NUP58: variants seen among roughly 807,000 people sequenced by gnomAD.
NUP58 encodes nucleoporin 58.
In NUP58, 17 loss-of-function variants were observed where a neutral mutation model predicts 70.1. That is an observed-to-expected ratio of 0.24 (90% confidence interval 0.17 to 0.36). The LOEUF is 0.36. Ranked by LOEUF, NUP58 falls within the 10% of genes least tolerant of loss-of-function variation. The pLI is 1.00. For missense variants in NUP58, 644 were observed against 701.5 expected (o/e 0.92, Z 0.93); for synonymous variants, 275 against 257.6 (o/e 1.07, Z -0.65).
intron 6 of NUP58, among the ~76,000 whole-genome samples, chr13:25,318,869 C>A (rs1218080305): frequency 1.3e-5 from 2 of 152,030 alleles, no homozygotes; most frequent in Non-Finnish European, 1.5e-5. Flanking sequence ...ACTGATAGGG[C>A]CTTAAAAAGT....
intron 4 of NUP58, among the ~76,000 whole-genome samples, 180 bp downstream of exon 4, chr13:25,313,212 G>A (rs1026053097): frequency 6.6e-6 from 1 of 152,224 alleles, no homozygotes; most frequent in African/African-American, 2.4e-5. Context: ...AAGCAGGGGA[G>A]AGGGCTAGAG....
chr13:25,342,116 A>C lies in NUP58; in HGVS notation c.*1982A>C, dbSNP rs1022505264. The C allele has an allele frequency of 2.0e-5, 3 of 152,488 alleles. No homozygotes were observed. Among genetic ancestry groups the C allele is most frequent in the Non-Finnish European group, 4.4e-5 (3 of 68,032 alleles). The allele number at this position is 152,488 out of a possible 1,614,324, so 9.4% of individuals were successfully genotyped here. ...ATTTCTGTAATATTGCAGTCCCCAG[A>C]TCCAGAACATGGGAAGTTAGGGAAA... On this transcript the variant is annotated 3_prime_UTR_variant, in exon 16 of 16. Transcript: ENST00000381736.
At chr13:25,316,812 C>G (rs2030951271) in intron 6 of NUP58, among the ~76,000 whole-genome samples, 1 of 152,096 alleles carries the variant, frequency 6.6e-6, no homozygotes, top group Admixed American at 6.5e-5. Flanking sequence ...CCTCCTCTGC[C>G]CCTCCCCACA....
In NUP58 at chr13:25,320,966, T is replaced by A; in HGVS notation, c.824T>A (p.Met275Lys). Residue 275 changes from methionine to lysine, a missense_variant, in exon 9 of 16, where the codon ATG becomes AAG. Met to Lys is a moderately conservative substitution (Grantham distance 95). Transcript: ENST00000381736. ...CAAGTTCAAGAAGAAATTAGTAGAA[T>A]GTCTTCAAAAGCAATGCTTAAGGTA... ...QKQVQEEISR[M>K]SSKAMLKVQE... The A allele has an allele frequency of 1.3e-6, 2 of 1,582,848 alleles. No individual in the cohort carries two copies. The highest frequency in any genetic ancestry group is 8.5e-7 in the Non-Finnish European group (1 of 1,170,860).
intron 1 of NUP58, among the ~76,000 whole-genome samples, chr13:25,303,844 A>G (rs2030156027): frequency 6.6e-6 from 1 of 152,254 alleles, no homozygotes; most frequent in Non-Finnish European, 1.5e-5. Context: ...GCATAGAAAA[A>G]GGGCTTTAAT....
At position 25,332,296 on chromosome 13, in the gene NUP58, G is replaced by A. The variant is rs531774770; in HGVS notation, c.1435+738G>A. The A allele has an allele frequency of 1.2e-4, 123 of 985,378 alleles. No individual in the cohort carries two copies. In the African/African-American group the frequency reaches 2.0e-3, roughly 16 times the overall value. 61.0% of individuals were successfully genotyped at this position (985,378 alleles called of 1,614,324 possible). On this transcript the variant is annotated intron_variant, in intron 13 of 15. Coordinates refer to ENST00000381736, the MANE Select transcript of NUP58 (RefSeq NM_014089.4). The stretch of plus-strand genomic sequence containing the variant: ...TGGTTTAGTTACACTTCTAATTAGA[G>A]AAACATTTTTTGTGGTCATTCTACA...
intron 6 of NUP58, chr13:25,317,852 T>G (rs2031004064): frequency 7.0e-6 from 1 of 142,774 alleles, no homozygotes. Context: ...GAAAGTAAAA[T>G]GCTTGATTTT....
chr13:25,321,148 A>G, intron 9 of NUP58, 55 bp downstream of exon 9: 1 of 1,433,302 alleles, frequency 7.0e-7, no homozygotes, highest in Admixed American at 2.4e-5. Context: ...GTTTTTTCCA[A>G]AATGGAAATA....
At position 25,307,890 on chromosome 13, in the gene NUP58, A is replaced by G. The variant is rs1165054754; in HGVS notation, c.192A>G (p.Gly64=). The G allele has an allele frequency of 3.1e-6, 5 of 1,614,074 alleles. No homozygotes were observed. The highest frequency in any genetic ancestry group is 4.2e-6 in the Non-Finnish European group (5 of 1,180,042). The change falls in exon 2 of 16, where the codon GGA becomes GGG. Residue 64 remains glycine (G), a synonymous_variant. Coordinates refer to ENST00000381736, the MANE Select transcript of NUP58 (RefSeq NM_014089.4). ...ATTSAPSSGF[G]TGLFGSKPAT... ...CATCTGCTCCTTCAAGTGGTTTTGG[A>G]ACCGGGCTCTTTGGATCTAAACCTG...
rs779183330 is a variant in NUP58 at position 25,321,055 on chromosome 13, A to T, written c.913A>T (p.Thr305Ser). The stretch of plus-strand genomic sequence containing the variant: ...GGCTGCCAATGGAATACAGAGAAAC[A>T]CTCTCAACATTGACAAATTGAAAAT... ...SLAANGIQRN[T>S]LNIDKLKIET... The change falls in exon 9 of 16, where the codon ACT (threonine) becomes TCT (serine). Residue 305 changes from threonine (T) to serine (S), a missense_variant. Around this residue, in one of 4 missense-constraint regions of NUP58, gnomAD observed 430 missense variants for 409.2 expected, o/e 1.05. Coordinates refer to ENST00000381736, the MANE Select transcript of NUP58 (RefSeq NM_014089.4). 24 of 1,591,552 alleles carry T rather than the reference A, an allele frequency of 1.5e-5. No homozygotes were observed. In the Admixed American group the frequency reaches 4.4e-4, roughly 29 times the overall value.
chr13:25,304,885 A>G (rs973844438), intron 1 of NUP58, among the ~76,000 whole-genome samples: 9 of 152,080 alleles, frequency 5.9e-5, no homozygotes, highest in African/African-American at 1.9e-4. Context: ...CACATTATAC[A>G]CACAACAGTG....
At chr13:25,304,307 T>C (rs1237812936) in intron 1 of NUP58, among the ~76,000 whole-genome samples, 2 of 151,828 alleles carry the variant, frequency 1.3e-5, no homozygotes, top group East Asian at 1.9e-4. Context: ...CAATAATTGG[T>C]CAAGTTTAGG....
intron 9 of NUP58, among the ~76,000 whole-genome samples, chr13:25,324,612 G>A (rs1252329224): frequency 2.0e-5 from 3 of 151,984 alleles, no homozygotes; most frequent in Non-Finnish European, 1.5e-5. Context: ...AATTGTGCCT[G>A]CCTCAGCCTC....
chr13:25,314,497 A>G (rs1332373690), intron 5 of NUP58, among the ~76,000 whole-genome samples: 1 of 152,072 alleles, frequency 6.6e-6, no homozygotes, highest in African/African-American at 2.4e-5. Context: ...GGAGTTCGAG[A>G]CCAGCCTGAC....
chr13:25,314,580 A>G (rs1428629837), intron 5 of NUP58, among the ~76,000 whole-genome samples: 1 of 152,096 alleles, frequency 6.6e-6, no homozygotes, highest in Non-Finnish European at 1.5e-5. Flanking sequence ...CTGTAATCCA[A>G]GCTGTTTGGG....
chr13:25,343,516 C>T (rs2032005289), downstream of NUP58, among the ~76,000 whole-genome samples: 1 of 150,200 alleles, frequency 6.7e-6, no homozygotes, highest in East Asian at 2.0e-4. Flanking sequence ...AGGCTGATGC[C>T]ATCTCGGCTC....
intron 15 of NUP58, among the ~76,000 whole-genome samples, 188 bp from the exon 16 acceptor site, chr13:25,339,777 T>A (rs2031899236): frequency 6.6e-6 from 1 of 152,242 alleles, no homozygotes; most frequent in Non-Finnish European, 1.5e-5. Flanking sequence ...TCTTTCAGGG[T>A]GCCACTTAGT....
chr13:25,324,604 T>C (rs1017536745), intron 9 of NUP58, among the ~76,000 whole-genome samples: 1 of 152,182 alleles, frequency 6.6e-6, no homozygotes, highest in African/African-American at 2.4e-5. Flanking sequence ...CAAATGTTAA[T>C]TGTGCCTGCC....
At chr13:25,337,106 A>G (rs1364925413) in intron 14 of NUP58, 72 bp downstream of exon 14, 3 of 967,788 alleles carry the variant, frequency 3.1e-6, no homozygotes, top group African/African-American at 3.4e-5. Context: ...GTAAAAAAAA[A>G]TTTCTAAGAG....
Sources: allele counts gnomAD v4.1 joint callset (sites outside exome capture counted in the v4.1 genomes callset), GRCh38; gene constraint gnomAD v4.1.1; regional missense constraint gnomAD v4.1.1; transcripts MANE v1.5; gene names NCBI Gene and HGNC (gene_info 2026-07-23, HGNC 2026-07-21).